Variants in KCNQ1OT1 observed in about 807,000 individuals in gnomAD.
KCNQ1OT1 encodes the protein KCNQ1 opposite strand/antisense transcript 1, also known as KCNQ1 antisense RNA 2 (non-protein coding).
At position 2,678,762 on chromosome 11, in the gene KCNQ1OT1, T is replaced by C. The variant is rs1850336919; in HGVS notation, n.21233A>G. ...GACAGGAAGCTGGGGTGTTTGGGAC[T>C]GAGGCTTCATCGTGGCAGCTAATAA... On this transcript the variant is annotated non_coding_transcript_exon_variant, in exon 1 of 1. Coordinates refer to ENST00000597346, the Ensembl canonical transcript of KCNQ1OT1. The surrounding 1 kb of genome is among the most constrained non-coding windows in gnomAD (Gnocchi z 4.9). 4 of 398,642 alleles carry C rather than the reference T, an allele frequency of 1.0e-5. No individual in the cohort carries two copies. In the Admixed American group the frequency reaches 1.3e-4, roughly 13 times the overall value. The allele number at this position is 398,642 out of a possible 1,614,324, so 24.7% of individuals were successfully genotyped here. A position where few individuals can be genotyped will look rare whatever the true frequency, so the allele number is the denominator to read the frequency against.
chr11:2,628,881 C>T (rs577966646), exon 1 of KCNQ1OT1: 1 of 398,278 alleles, frequency 2.5e-6, no homozygotes, highest in South Asian at 1.3e-4. Context: ...TACCCTTTCC[C>T]CATTGTGTAC....
At chr11:2,692,937 G>A (rs1850612227) in exon 1 of KCNQ1OT1, 1 of 398,562 alleles carries the variant, frequency 2.5e-6, no homozygotes, top group African/African-American at 2.1e-5. Flanking sequence ...CAAGCAGGTT[G>A]TCCTGCCCAT....
rs34219164 is a variant in KCNQ1OT1, at chr11:2,674,832, T to TAAAAA, written n.25158_25162dup. ...GCTTGTCACCCTAATAGCTGTTTTT[T>TAAAAA]AAAAAAAAAAAAAAAAAAAAAAAAA... is the stretch of plus-strand genomic sequence containing the variant. On this transcript the variant is annotated non_coding_transcript_exon_variant, in exon 1 of 1. Transcript: ENST00000597346. This position sits in a 1 kb window ranked among gnomAD's most constrained non-coding sequence, Gnocchi z 5.9. 5 of 303,834 alleles carry TAAAAA rather than the reference T, an allele frequency of 1.6e-5. No individual in the cohort carries two copies. The highest frequency in any genetic ancestry group is 1.4e-4 in the East Asian group (3 of 20,794). The allele number at this position is 303,834 out of a possible 1,614,324, so 18.8% of individuals were successfully genotyped here. A position where few individuals can be genotyped will look rare whatever the true frequency, so the allele number is the denominator to read the frequency against.
chr11:2,682,185 C>G lies in KCNQ1OT1; in HGVS notation n.17810G>C, dbSNP rs765434276. On this transcript the variant is annotated non_coding_transcript_exon_variant, in exon 1 of 1. Coordinates refer to ENST00000597346, the Ensembl canonical transcript of KCNQ1OT1. The surrounding 1 kb of genome is among the most constrained non-coding windows in gnomAD (Gnocchi z 5.8). ...ATATCAAGCTCTCTCCTGACCTTCT[C>G]TCCCCTTCCCCAGGCCAGGACTGTC... The G allele has an allele frequency of 4.8e-5, 19 of 398,498 alleles. No individual in the cohort carries two copies. Among genetic ancestry groups the G allele is most frequent in the Non-Finnish European group, 7.5e-5 (17 of 226,098 alleles). The allele number at this position is 398,498 out of a possible 1,614,324, so 24.7% of individuals were successfully genotyped here. A position where few individuals can be genotyped will look rare whatever the true frequency, so the allele number is the denominator to read the frequency against.
exon 1 of KCNQ1OT1, chr11:2,693,968 GAGA>G (rs773795896): frequency 5.0e-6 from 2 of 398,564 alleles, no homozygotes; most frequent in Non-Finnish European, 8.8e-6. Context: ...GCACTAACTG[GAGA>G]AGGTGAGCAG....
Position 2,654,789 on chromosome 11 carries a change from G to C in KCNQ1OT1, n.45206C>G. On this transcript the variant is annotated non_coding_transcript_exon_variant, in exon 1 of 1. Coordinates refer to ENST00000597346, the Ensembl canonical transcript of KCNQ1OT1. The surrounding 1 kb of genome is among the most constrained non-coding windows in gnomAD (Gnocchi z 6.4). Reference sequence around the variant, plus strand: ...AGAGGAAGTGAGACCAGAATTTCTTGGGAACAGAAAGCCTCAAAGACTTTC... The same window carrying C: ...AGAGGAAGTGAGACCAGAATTTCTTCGGAACAGAAAGCCTCAAAGACTTTC... The C allele has an allele frequency of 2.5e-6, 1 of 398,588 alleles. No individual in the cohort carries two copies. Among genetic ancestry groups the C allele is most frequent in the East Asian group, 3.6e-5 (1 of 28,056 alleles). The allele number at this position is 398,588 out of a possible 1,614,324, so 24.7% of individuals were successfully genotyped here. A position where few individuals can be genotyped will look rare whatever the true frequency, so the allele number is the denominator to read the frequency against.
chr11:2,645,449 C>A lies in KCNQ1OT1; in HGVS notation n.54546G>T. ...GCAAGAATGTACTGACTGTGGTAGGCAGGCACAGGAAGATCCCTGTATACC... is the reference window on the plus strand; with the variant it reads ...GCAAGAATGTACTGACTGTGGTAGGAAGGCACAGGAAGATCCCTGTATACC... On this transcript the variant is annotated non_coding_transcript_exon_variant, in exon 1 of 1. Transcript: ENST00000597346. This position sits in a 1 kb window ranked among gnomAD's most constrained non-coding sequence, Gnocchi z 5.8. 2.5e-6 allele frequency: 1 copy of A among 398,672 alleles called. No individual in the cohort carries two copies. The highest frequency in any genetic ancestry group is 4.4e-6 in the Non-Finnish European group (1 of 226,124). 24.7% of individuals were successfully genotyped at this position (398,672 alleles called of 1,614,324 possible).
rs149039886 is a variant in KCNQ1OT1, at chr11:2,656,446, T to C, written n.43549A>G. On this transcript the variant is annotated non_coding_transcript_exon_variant, in exon 1 of 1. Transcript: ENST00000597346. ...CCTTCTCCTGGCTGTGACTAAGTAA[T>C]GTCTGTGTGGTTTCCTGCTGGAAGT... is the stretch of plus-strand genomic sequence containing the variant. The C allele has an allele frequency of 3.9e-3, 1,567 of 398,682 alleles. 5 individuals are homozygous for C. Among genetic ancestry groups the C allele is most frequent in the Non-Finnish European group, 5.8e-3 (1,306 of 226,100 alleles). The allele number at this position is 398,682 out of a possible 1,614,324, so 24.7% of individuals were successfully genotyped here. A position where few individuals can be genotyped will look rare whatever the true frequency, so the allele number is the denominator to read the frequency against.
At position 2,682,819 on chromosome 11, in the gene KCNQ1OT1, T is replaced by G; in HGVS notation, n.17176A>C. 2.5e-6 allele frequency: 1 copy of G among 398,636 alleles called. No homozygotes were observed. Among genetic ancestry groups the G allele is most frequent in the Non-Finnish European group, 4.4e-6 (1 of 226,076 alleles). 24.7% of individuals were successfully genotyped at this position (398,636 alleles called of 1,614,324 possible). ...ATGCAGTGACTTGCAGTGATCCTCCTGGGGCCTTGTATAGAAGAGACCATC... is the reference window on the plus strand; with the variant it reads ...ATGCAGTGACTTGCAGTGATCCTCCGGGGGCCTTGTATAGAAGAGACCATC... On this transcript the variant is annotated non_coding_transcript_exon_variant, in exon 1 of 1. Transcript: ENST00000597346. This position sits in a 1 kb window ranked among gnomAD's most constrained non-coding sequence, Gnocchi z 5.8.
In KCNQ1OT1 at chr11:2,673,972, C is replaced by G; in HGVS notation, n.26023G>C. On this transcript the variant is annotated non_coding_transcript_exon_variant, in exon 1 of 1. Transcript: ENST00000597346. This position sits in a 1 kb window ranked among gnomAD's most constrained non-coding sequence, Gnocchi z 4.5. Reference sequence around the variant, plus strand: ...GTGACAGCAGCCACAAGGGGATGCCCAGCATTGGGGGTGGGGTGGGGGGAG... The same window carrying G: ...GTGACAGCAGCCACAAGGGGATGCCGAGCATTGGGGGTGGGGTGGGGGGAG... The G allele has an allele frequency of 2.7e-6, 1 of 369,966 alleles. No homozygotes were observed. The highest frequency in any genetic ancestry group is 4.6e-6 in the Non-Finnish European group (1 of 218,508). The allele number at this position is 369,966 out of a possible 1,614,324, so 22.9% of individuals were successfully genotyped here. A position where few individuals can be genotyped will look rare whatever the true frequency, so the allele number is the denominator to read the frequency against.
In KCNQ1OT1 at chr11:2,690,424, T is replaced by A; in HGVS notation, n.9571A>T. On this transcript the variant is annotated non_coding_transcript_exon_variant, in exon 1 of 1. Coordinates refer to ENST00000597346, the Ensembl canonical transcript of KCNQ1OT1. The surrounding 1 kb of genome is among the most constrained non-coding windows in gnomAD (Gnocchi z 5.1). ...TCTCTCTCCCTGCGAAAGGCTGGGG[T>A]CCTGGGAGCTAGAGCTGGGTTAAGA... 2.5e-6 allele frequency: 1 copy of A among 398,504 alleles called. No homozygotes were observed. Among genetic ancestry groups the A allele is most frequent in the Non-Finnish European group, 4.4e-6 (1 of 226,078 alleles). 24.7% of individuals were successfully genotyped at this position (398,504 alleles called of 1,614,324 possible). A position where few individuals can be genotyped will look rare whatever the true frequency, so the allele number is the denominator to read the frequency against.
At position 2,654,623 on chromosome 11, in the gene KCNQ1OT1, G is replaced by T; in HGVS notation, n.45372C>A. On this transcript the variant is annotated non_coding_transcript_exon_variant, in exon 1 of 1. Transcript: ENST00000597346. The surrounding 1 kb of genome is among the most constrained non-coding windows in gnomAD (Gnocchi z 6.4). ...TGGTTGGGTGAAGTTACTAGGAAGG[G>T]CCCAGACACTGGCGAGAGTCTCTTG... 2.5e-6 allele frequency: 1 copy of T among 398,790 alleles called. No homozygotes were observed. The highest frequency in any genetic ancestry group is 4.4e-6 in the Non-Finnish European group (1 of 226,246). 24.7% of individuals were successfully genotyped at this position (398,790 alleles called of 1,614,324 possible).
At chr11:2,637,601 C>T (rs1849495339) in exon 1 of KCNQ1OT1, 3 of 152,126 alleles carry the variant, frequency 2.0e-5, no homozygotes, top group African/African-American at 7.2e-5. Flanking sequence ...GCTTTACTTC[C>T]AATTATGTGG....
rs1589988450 is a variant in KCNQ1OT1, at chr11:2,624,672, T to C, written n.75323A>G. On this transcript the variant is annotated non_coding_transcript_exon_variant, in exon 1 of 1. Coordinates refer to ENST00000597346, the Ensembl canonical transcript of KCNQ1OT1. The surrounding 1 kb of genome is among the most constrained non-coding windows in gnomAD (Gnocchi z 4.9). ...TCACAATGCTGTGCAATCATCACTA[T>C]CATCCATCTCCATAACACTTGTCAT... is the stretch of plus-strand genomic sequence containing the variant. 1 of 398,598 alleles carries C rather than the reference T, an allele frequency of 2.5e-6. No individual in the cohort carries two copies. The allele number at this position is 398,598 out of a possible 1,614,324, so 24.7% of individuals were successfully genotyped here.
Position 2,610,462 on chromosome 11 carries a change from T to G in KCNQ1OT1, n.89533A>C, listed in dbSNP as rs117084069. On this transcript the variant is annotated non_coding_transcript_exon_variant, in exon 1 of 1. Transcript: ENST00000597346. The stretch of plus-strand genomic sequence containing the variant: ...TATATTTGATCCACTTTTTTGGTTT[T>G]TATGGATTTGAGTTACCAACTGGTG... 6.1e-3 allele frequency: 2,421 copies of G among 398,376 alleles called. 59 individuals are homozygous for G. In the South Asian group the frequency reaches 0.073, roughly 12 times the overall value. The allele number at this position is 398,376 out of a possible 1,614,324, so 24.7% of individuals were successfully genotyped here. A position where few individuals can be genotyped will look rare whatever the true frequency, so the allele number is the denominator to read the frequency against.
chr11:2,615,028 A>C, exon 1 of KCNQ1OT1: 2 of 398,436 alleles, frequency 5.0e-6, no homozygotes, highest in Non-Finnish European at 8.9e-6. Context: ...CTGTGAACAC[A>C]GGATGTATAG....
exon 1 of KCNQ1OT1, chr11:2,662,706 G>C (rs1849987371): frequency 5.0e-6 from 2 of 401,720 alleles, no homozygotes; most frequent in African/African-American, 4.1e-5. Flanking sequence ...CGTGCAGCGG[G>C]GTCAGTGGGG....
Position 2,676,022 on chromosome 11 carries a change from G to A in KCNQ1OT1, n.23973C>T. 2.5e-6 allele frequency: 1 copy of A among 398,604 alleles called. No individual in the cohort carries two copies. The highest frequency in any genetic ancestry group is 4.4e-6 in the Non-Finnish European group (1 of 226,060). 24.7% of individuals were successfully genotyped at this position (398,604 alleles called of 1,614,324 possible). ...AATTCCCAAGTTTCCTTCCCTAAAG[G>A]TTACCACTCAACACTTTCCTATTGC... On this transcript the variant is annotated non_coding_transcript_exon_variant, in exon 1 of 1. Transcript: ENST00000597346. This position sits in a 1 kb window ranked among gnomAD's most constrained non-coding sequence, Gnocchi z 4.2.
At position 2,674,867 on chromosome 11, in the gene KCNQ1OT1, T is replaced by G; in HGVS notation, n.25128A>C. ...AAAAAAAAAAAAAAAAAAAGCTCAC[T>G]GGGCACCTTGGCTGCAGGGTCTGAA... On this transcript the variant is annotated non_coding_transcript_exon_variant, in exon 1 of 1. Transcript: ENST00000597346. This position sits in a 1 kb window ranked among gnomAD's most constrained non-coding sequence, Gnocchi z 5.9. 2.8e-6 allele frequency: 1 copy of G among 360,050 alleles called. No homozygotes were observed. The highest frequency in any genetic ancestry group is 4.8e-6 in the Non-Finnish European group (1 of 207,084). 22.3% of individuals were successfully genotyped at this position (360,050 alleles called of 1,614,324 possible).
Sources: gnomAD v4.1 joint callset for allele counts on GRCh38, gnomAD v4.1.1 for gene constraint, Gnocchi (gnomAD v3.1) non-coding constraint, MANE v1.5 for transcripts, NCBI Gene and HGNC (gene_info 2026-07-23, HGNC 2026-07-21) for gene names.